The following PC variants were observed in gnomAD, a reference collection of about 807,000 sequenced individuals.
The protein encoded by PC is pyruvate carboxylase, mitochondrial.
Under a neutral mutation model 107.8 loss-of-function variants are expected in PC, and 46 were observed. The ratio of observed to expected loss-of-function variants is 0.43; its 90% CI spans 0.34 to 0.55. The LOEUF (loss-of-function observed/expected upper bound fraction) is 0.55, where lower values mean the gene tolerates loss of function less well. Ranked by LOEUF, PC falls within the 20% of genes least tolerant of loss-of-function variation. The pLI, the probability that PC is intolerant of heterozygous loss-of-function variation, is 0.04. For missense variants in PC, 1,241 were observed against 1,643.1 expected, an observed-to-expected ratio of 0.76 and a Z score of 4.23; for synonymous variants, 662 against 684.7, an observed-to-expected ratio of 0.97 and a Z score of 0.52.
At chr11:66,950,176 G>C (rs1342041415) in intron 3 of PC, among the ~76,000 whole-genome samples, 1 of 152,220 alleles carries the variant, frequency 6.6e-6, no homozygotes, top group Non-Finnish European at 1.5e-5. Flanking sequence ...AGTAACTGCA[G>C]CACTCAGTGA....
Position 66,863,843 on chromosome 11 carries a change from GC to G in PC, c.1298del (p.Gly433AlafsTer11), listed in dbSNP as rs1565234703. The G allele has an allele frequency of 6.2e-7, 1 of 1,614,006 alleles. No individual in the cohort carries two copies. On this transcript the variant is annotated frameshift_variant, in exon 12 of 23. Transcript: ENST00000393960. LOFTEE classifies it high-confidence loss of function. ...TGGTGGCGGCCGTGGGGTGGTCTTT[GC>G]CGTGGGCAATGACTTTGACCAGCAG... ...DSLLVKVIAH[G>X]KDHPTAATKM...
chr11:66,949,961 T>C (rs944864116), intron 3 of PC, among the ~76,000 whole-genome samples: 7 of 152,120 alleles, frequency 4.6e-5, no homozygotes, highest in Non-Finnish European at 1.0e-4. Context: ...ACTCACCAAG[T>C]CGCTTAGTCT....
intron 3 of PC, among the ~76,000 whole-genome samples, chr11:66,882,705 G>A (rs1947225965): frequency 6.6e-6 from 1 of 152,260 alleles, no homozygotes; most frequent in African/African-American, 2.4e-5. Flanking sequence ...GAACCAGAAA[G>A]AAAGAGCTCT....
chr11:66,914,520 A>AG (rs1284206133), intron 3 of PC, among the ~76,000 whole-genome samples: 19 of 151,908 alleles, frequency 1.3e-4, no homozygotes, highest in African/African-American at 3.6e-4. Flanking sequence ...TCAAAAAAAA[A>AG]AAAGAAAGAA....
chr11:66,953,369 T>C (rs1052317238), intron 2 of PC, among the ~76,000 whole-genome samples: 11 of 152,236 alleles, frequency 7.2e-5, no homozygotes, highest in South Asian at 2.1e-4. Context: ...AGATGTGTAC[T>C]CTATTTCCTG....
intron 3 of PC, among the ~76,000 whole-genome samples, chr11:66,910,806 G>A (rs898012302): frequency 1.2e-4 from 18 of 152,282 alleles, no homozygotes; most frequent in Middle Eastern, 3.4e-3. Context: ...CGCTAGTGCT[G>A]ACAGTCTCAC....
At chr11:66,932,457 C>T (rs1342806004) in intron 3 of PC, among the ~76,000 whole-genome samples, 1 of 152,146 alleles carries the variant, frequency 6.6e-6, no homozygotes, top group Non-Finnish European at 1.5e-5. Context: ...CCCAGGGTTC[C>T]ACAGAGACCC....
chr11:66,871,673 G>A lies in PC; in HGVS notation c.321+14C>T, dbSNP rs1423602495. On this transcript the variant is annotated intron_variant, in intron 5 of 22. Transcript: ENST00000393960. The surrounding 1 kb of genome is among the most constrained non-coding windows in gnomAD (Gnocchi z 7.4). Reference sequence around the variant, plus strand: ...GTCCCTGCTGTCCAGGCCCAGCCAGGCCACTGGGCTCACCTTGGCCACCTT... The same window carrying A: ...GTCCCTGCTGTCCAGGCCCAGCCAGACCACTGGGCTCACCTTGGCCACCTT... 2 of 1,563,562 alleles carry A rather than the reference G, an allele frequency of 1.3e-6. No individual in the cohort carries two copies. The highest frequency in any genetic ancestry group is 1.7e-6 in the Non-Finnish European group (2 of 1,153,984).
chr11:66,879,500 G>C (rs1297457232), intron 3 of PC, among the ~76,000 whole-genome samples: 1 of 152,236 alleles, frequency 6.6e-6, no homozygotes, highest in Non-Finnish European at 1.5e-5. Flanking sequence ...AGTGCACAGA[G>C]GAGGGTGTCT....
intron 3 of PC, among the ~76,000 whole-genome samples, chr11:66,886,334 AG>A (rs1435512646): frequency 1.3e-5 from 2 of 151,522 alleles, no homozygotes; most frequent in Non-Finnish European, 3.0e-5. Context: ...GAGGAGCCTA[AG>A]GGCTGAGCCT....
intron 3 of PC, among the ~76,000 whole-genome samples, chr11:66,876,251 C>A (rs1165790439): frequency 6.6e-6 from 1 of 152,184 alleles, no homozygotes; most frequent in Non-Finnish European, 1.5e-5. Flanking sequence ...TAGAGAACAG[C>A]CTCATTCTTA....
intron 3 of PC, among the ~76,000 whole-genome samples, chr11:66,875,320 G>A (rs1263657624): frequency 6.6e-6 from 1 of 152,178 alleles, no homozygotes; most frequent in Non-Finnish European, 1.5e-5. Flanking sequence ...AGAAAGCAAG[G>A]TAGAGGAAGA....
intron 3 of PC, among the ~76,000 whole-genome samples, chr11:66,938,883 T>G (rs1029192830): frequency 6.6e-6 from 1 of 152,250 alleles, no homozygotes; most frequent in Non-Finnish European, 1.5e-5. Context: ...TCCCATTTTC[T>G]GCTATCACCT....
Position 66,857,606 on chromosome 11 carries a change from C to T in PC, c.1369-4223G>A, listed in dbSNP as rs1041915089. ...CCAACCTTCCCTCATCTCTGGCGGCCCTCTTGGGCCTCTGACCCAGCCCCT... is the reference window on the plus strand; with the variant it reads ...CCAACCTTCCCTCATCTCTGGCGGCTCTCTTGGGCCTCTGACCCAGCCCCT... On this transcript the variant is annotated intron_variant, in intron 12 of 22. Transcript: ENST00000393960. This position sits in a 1 kb window ranked among gnomAD's most constrained non-coding sequence, Gnocchi z 7.1. The T allele has an allele frequency of 5.4e-6, 5 of 918,256 alleles. No homozygotes were observed. The African/African-American group carries it at 8.4e-5, about 15-fold the overall frequency. The allele number at this position is 918,256 out of a possible 1,614,324, so 56.9% of individuals were successfully genotyped here.
At chr11:66,928,549 G>C (rs1282970104) in intron 3 of PC, among the ~76,000 whole-genome samples, 1 of 151,906 alleles carries the variant, frequency 6.6e-6, no homozygotes, top group Non-Finnish European at 1.5e-5. Context: ...TTTTGAGACA[G>C]AGTCTCGCTC....
chr11:66,943,755 CAAAAAAAAAAAAAA>C (rs34245785), intron 3 of PC, among the ~76,000 whole-genome samples: 14 of 17,582 alleles, frequency 8.0e-4, no homozygotes, highest in Admixed American at 1.2e-3. Flanking sequence ...GACTCCGGCT[CAAAAAAAAAAAAAA>C]AAAAAAAAAA....
intron 3 of PC, among the ~76,000 whole-genome samples, chr11:66,922,810 T>C (rs1055366469): frequency 6.6e-6 from 1 of 152,196 alleles, no homozygotes. Context: ...CTTCACTTCT[T>C]AGGCTTTAAC....
chr11:66,912,778 A>C (rs1372934907), intron 3 of PC, among the ~76,000 whole-genome samples: 1 of 152,186 alleles, frequency 6.6e-6, no homozygotes, highest in Non-Finnish European at 1.5e-5. Flanking sequence ...AGAGGACGGC[A>C]AATACTATCA....
intron 3 of PC, among the ~76,000 whole-genome samples, chr11:66,933,914 C>T (rs1948927133): frequency 6.6e-6 from 1 of 152,172 alleles, no homozygotes; most frequent in Non-Finnish European, 1.5e-5. Context: ...CTGGGGTTCA[C>T]AGAATGAACT....
Sources: allele counts gnomAD v4.1 joint callset (sites outside exome capture counted in the v4.1 genomes callset), GRCh38; gene constraint gnomAD v4.1.1; non-coding constraint Gnocchi (gnomAD v3.1); transcripts MANE v1.5; gene names NCBI Gene and HGNC (gene_info 2026-07-23, HGNC 2026-07-21).